STIM2: variants seen among roughly 807,000 people sequenced by gnomAD.
STIM2 encodes the protein stromal interaction molecule 2.
In STIM2, 31 loss-of-function variants were observed where a neutral mutation model predicts 85.8. The observed-to-expected ratio is 0.36, with a 90% CI of 0.27 to 0.49. The LOEUF is 0.49. STIM2 is among the 20% of genes least tolerant of loss of function. The pLI is 0.98. For missense variants in STIM2, 841 were observed against 927.6 expected (o/e 0.91, Z 1.21); for synonymous variants, 356 against 331.1 (o/e 1.08, Z -0.82).
rs1215676205 is a variant in STIM2, at chr4:26,861,377, G to A, written c.151+8G>A. 2 of 1,289,928 alleles carry A rather than the reference G, an allele frequency of 1.6e-6. No homozygotes were observed. The highest frequency in any genetic ancestry group is 2.4e-5 in the South Asian group (1 of 41,322). The allele number at this position is 1,289,928 out of a possible 1,614,324, so 79.9% of individuals were successfully genotyped here. A position where few individuals can be genotyped will look rare whatever the true frequency, so the allele number is the denominator to read the frequency against. ...GCCCGGCGCTCATGACAGGTGAGGG[G>A]CCGGGGGGCGGCGGGCGGGGCTCGG... On this transcript the variant is annotated splice_region_variant and intron_variant, in intron 1 of 11. Coordinates refer to ENST00000467087, the MANE Select transcript of STIM2 (RefSeq NM_020860.4).
chr4:26,898,365 C>T (rs1723786018), intron 1 of STIM2, among the ~76,000 whole-genome samples: 1 of 152,132 alleles, frequency 6.6e-6, no homozygotes, highest in South Asian at 2.1e-4. Flanking sequence ...TCAGGAGTCA[C>T]ATCATGTTTG....
At chr4:26,891,177 G>C (rs10939140) in intron 1 of STIM2, among the ~76,000 whole-genome samples, 50,980 of 152,102 alleles carry the variant, frequency 0.34, 8,687 homozygotes, top group African/African-American at 0.41. Context: ...CACTAGTCTA[G>C]ATGTTGCATG....
At chr4:26,945,473 G>A (rs542608578) in intron 2 of STIM2, among the ~76,000 whole-genome samples, 132 of 152,260 alleles carry the variant, frequency 8.7e-4, no homozygotes, top group African/African-American at 3.2e-3. Context: ...CCAGTAATGA[G>A]ATACACTAGT....
At chr4:26,938,241 G>T (rs1373866963) in intron 2 of STIM2, among the ~76,000 whole-genome samples, 1 of 150,730 alleles carries the variant, frequency 6.6e-6, no homozygotes, top group African/African-American at 2.4e-5. Context: ...AACAAATAAA[G>T]ATTGTGTATA....
chr4:27,022,562 T>C lies in STIM2; in HGVS notation c.1807T>C (p.Ser603Pro), dbSNP rs151194488. Residue 603 changes from serine (S) to proline (P), a missense_variant, in exon 12 of 12, where the codon TCC (serine) becomes CCC (proline). Physicochemically the swap from Ser to Pro is moderately conservative, Grantham distance 74. This residue lies in a region of STIM2 where 293 missense variants were observed against 284.5 expected (regional missense o/e 1.03). Coordinates refer to ENST00000467087, the MANE Select transcript of STIM2 (RefSeq NM_020860.4). ...TTCAGAATGTGACTCCTTAAATTCTTCCATTGGAAGGAAACAGTCTCCTCC... is the reference window on the plus strand; with the variant it reads ...TTCAGAATGTGACTCCTTAAATTCTCCCATTGGAAGGAAACAGTCTCCTCC... 6.2e-6 allele frequency: 10 copies of C among 1,607,712 alleles called. No individual in the cohort carries two copies. Among genetic ancestry groups the C allele is most frequent in the Non-Finnish European group, 8.5e-6 (10 of 1,174,850 alleles).
At chr4:27,002,601 A>T (rs1728196702) in intron 6 of STIM2, among the ~76,000 whole-genome samples, 1 of 152,228 alleles carries the variant, frequency 6.6e-6, no homozygotes. Context: ...TGAGTAGAAG[A>T]ACAGTGGAGG....
chr4:26,944,705 A>G (rs1368433151), intron 2 of STIM2, among the ~76,000 whole-genome samples: 1 of 152,190 alleles, frequency 6.6e-6, no homozygotes, highest in African/African-American at 2.4e-5. Flanking sequence ...CTTCTCACAC[A>G]AAGTTACAAA....
intron 1 of STIM2, among the ~76,000 whole-genome samples, chr4:26,903,313 T>C (rs1723995227): frequency 6.6e-6 from 1 of 152,186 alleles, no homozygotes; most frequent in Admixed American, 6.5e-5. Flanking sequence ...GCATCTCTTA[T>C]TGCTAATGAG....
At chr4:26,945,061 C>T (rs1725762882) in intron 2 of STIM2, among the ~76,000 whole-genome samples, 2 of 152,238 alleles carry the variant, frequency 1.3e-5, no homozygotes, top group Non-Finnish European at 1.5e-5. Flanking sequence ...AGCCTAGTAT[C>T]CACTAGTTAC....
chr4:26,949,704 G>A (rs961840626), intron 2 of STIM2, among the ~76,000 whole-genome samples: 1 of 152,120 alleles, frequency 6.6e-6, no homozygotes, highest in African/African-American at 2.4e-5. Flanking sequence ...ATTTGCGTAT[G>A]TGTGTGTATT....
chr4:26,917,647 C>T (rs1724633516), intron 1 of STIM2, among the ~76,000 whole-genome samples: 1 of 152,018 alleles, frequency 6.6e-6, no homozygotes, highest in Non-Finnish European at 1.5e-5. Context: ...TTAAAGCTTC[C>T]TGTGGTTATA....
chr4:27,022,568 G>A lies in STIM2; in HGVS notation c.1813G>A (p.Gly605Arg), dbSNP rs200782524. ...ATGTGACTCCTTAAATTCTTCCATT[G>A]GAAGGAAACAGTCTCCTCCTTTAAG... The change falls in exon 12 of 12, where the codon GGA (glycine) becomes AGA (arginine). Residue 605 changes from glycine (G) to arginine (R), a missense_variant. By Grantham distance (125) the Gly-to-Arg change is moderately radical. Around this residue, in one of 3 missense-constraint regions of STIM2, gnomAD observed 293 missense variants for 284.5 expected, o/e 1.03. Transcript: ENST00000467087. The A allele has an allele frequency of 2.4e-5, 39 of 1,608,338 alleles. No individual in the cohort carries two copies. The highest frequency in any genetic ancestry group is 3.1e-5 in the Non-Finnish European group (37 of 1,175,354).
At chr4:26,895,249 TTATTTC>T (rs1159024591) in intron 1 of STIM2, among the ~76,000 whole-genome samples, 1 of 152,208 alleles carries the variant, frequency 6.6e-6, no homozygotes, top group African/African-American at 2.4e-5. Flanking sequence ...TATTTGATAA[TTATTTC>T]TATTTAAGTC....
chr4:27,021,099 A>G (rs1342397700), intron 11 of STIM2: 5 of 1,513,708 alleles, frequency 3.3e-6, no homozygotes, highest in Non-Finnish European at 3.6e-6. Flanking sequence ...GTTCTTTAAT[A>G]TCTCACTCTG....
intron 11 of STIM2, among the ~76,000 whole-genome samples, chr4:27,018,391 G>T (rs1728806283): frequency 6.6e-6 from 1 of 152,126 alleles, no homozygotes; most frequent in African/African-American, 2.4e-5. Flanking sequence ...CTTGCCACAG[G>T]ATCTCCCATC....
chr4:26,949,250 C>T (rs917748064), intron 2 of STIM2, among the ~76,000 whole-genome samples: 1 of 152,062 alleles, frequency 6.6e-6, no homozygotes, highest in Non-Finnish European at 1.5e-5. Context: ...TGCCACAAAG[C>T]TTTCTCATAA....
intron 2 of STIM2, among the ~76,000 whole-genome samples, chr4:26,940,454 T>C (rs1406909683): frequency 6.6e-6 from 1 of 152,196 alleles, no homozygotes; most frequent in Non-Finnish European, 1.5e-5. Flanking sequence ...CATTGCTTTC[T>C]GTCTGTGCTT....
Position 26,912,393 on chromosome 4 carries a change from C to A in STIM2, c.152-7111C>A, listed in dbSNP as rs1269575440. On this transcript the variant is annotated intron_variant, in intron 1 of 11. Transcript: ENST00000467087. ...ATAGGAGGGAACCTAGCTCTAAAGA[C>A]TTCACTTACTTTTTTCAGCTTCATT... is the stretch of plus-strand genomic sequence containing the variant. Among the ~76,000 whole-genome samples the A allele has an allele frequency of 2.0e-4, 31 of 152,130 alleles. 1 individual carries two copies. The highest frequency in any genetic ancestry group is 2.0e-3 in the Admixed American group (31 of 15,268).
intron 1 of STIM2, among the ~76,000 whole-genome samples, chr4:26,889,537 T>C (rs1449926259): frequency 6.6e-6 from 1 of 152,150 alleles, no homozygotes; most frequent in East Asian, 1.9e-4. Context: ...AACAAAACAG[T>C]GCCCCATTCA....
Sources: allele counts gnomAD v4.1 joint callset (sites outside exome capture counted in the v4.1 genomes callset), GRCh38; gene constraint gnomAD v4.1.1; regional missense constraint gnomAD v4.1.1; transcripts MANE v1.5; gene names NCBI Gene and HGNC (gene_info 2026-07-23, HGNC 2026-07-21).